The following CCDC40 variants were observed in gnomAD, a reference collection of about 807,000 sequenced individuals.
CCDC40 encodes the protein coiled-coil domain 40 molecular ruler complex subunit, also known as coiled-coil domain-containing protein 40.
In CCDC40, 104 loss-of-function variants were observed where a neutral mutation model predicts 124.5. The observed-to-expected ratio is 0.84, with a 90% confidence interval of 0.71 to 0.98. The LOEUF (loss-of-function observed/expected upper bound fraction) is 0.98. Among genes scored for constraint, CCDC40 ranks in the 50% least tolerant of loss-of-function variants. The probability of loss-of-function intolerance (pLI) is 0.00; values close to 1 mark genes in which losing one functional copy is unlikely to be tolerated. For missense variants in CCDC40, 1,463 were observed against 1,503.9 expected (o/e 0.97, Z 0.45); for synonymous variants, 580 against 602.9 (o/e 0.96, Z 0.56).
chr17:80,087,864 A>G lies in CCDC40; in HGVS notation c.2619+88A>G, dbSNP rs2038621102. The G allele has an allele frequency of 7.4e-7, 1 of 1,359,668 alleles. No individual in the cohort carries two copies. Among genetic ancestry groups the G allele is most frequent in the Admixed American group, 1.7e-5 (1 of 59,672 alleles). The allele number at this position is 1,359,668 out of a possible 1,614,324, so 84.2% of individuals were successfully genotyped here. On this transcript the variant is annotated intron_variant, in intron 15 of 19. Coordinates refer to ENST00000397545, the MANE Select transcript of CCDC40 (RefSeq NM_017950.4). The surrounding 1 kb of genome is among the most constrained non-coding windows in gnomAD (Gnocchi z 4.5). ...CGGTGGGCGTTCTGCACCAGGATGT[A>G]ATTTCCACACCCGTTCAAGATGCTT...
At chr17:80,078,374 G>A (rs1598528517) in intron 10 of CCDC40, among the ~76,000 whole-genome samples, 3 of 151,898 alleles carry the variant, frequency 2.0e-5, no homozygotes, top group African/African-American at 7.2e-5. Context: ...ATGTCTAAGG[G>A]TCACGAAGAT....
At chr17:80,052,379 T>A (rs1181692548) in intron 7 of CCDC40, among the ~76,000 whole-genome samples, 1 of 152,102 alleles carries the variant, frequency 6.6e-6, no homozygotes, top group African/African-American at 2.4e-5. Context: ...AGTCTCTCTT[T>A]TCACATTTTT....
At chr17:80,039,124 T>A (rs2037205577) in intron 2 of CCDC40, among the ~76,000 whole-genome samples, 1 of 152,096 alleles carries the variant, frequency 6.6e-6, no homozygotes. Context: ...CCCGGCACTT[T>A]GGGAGGCTGA....
chr17:80,089,182 T>C (rs1282211390), intron 16 of CCDC40, among the ~76,000 whole-genome samples: 1 of 152,220 alleles, frequency 6.6e-6, no homozygotes, highest in Non-Finnish European at 1.5e-5. Context: ...TGAAGCACTT[T>C]AGTATTTTCA....
At chr17:80,049,782 A>T in intron 5 of CCDC40, 124 bp from the exon 6 acceptor site, 1 of 766,594 alleles carries the variant, frequency 1.3e-6, no homozygotes, top group Non-Finnish European at 2.3e-6. Context: ...AGAAGCAGGG[A>T]GCACTCCACA....
chr17:80,046,233 C>A (rs551440867), intron 3 of CCDC40, among the ~76,000 whole-genome samples: 2 of 152,122 alleles, frequency 1.3e-5, no homozygotes, highest in African/African-American at 4.8e-5. Context: ...AACTCTCCCC[C>A]GCCCAGGGAA....
At chr17:80,075,636 G>A (rs1366802045) in intron 10 of CCDC40, among the ~76,000 whole-genome samples, 5 of 151,790 alleles carry the variant, frequency 3.3e-5, no homozygotes, top group Admixed American at 6.6e-5. Flanking sequence ...GAAGCCAGAC[G>A]TCCAGCTAAT....
At chr17:80,089,909 A>G in intron 17 of CCDC40, 25 bp downstream of exon 17, 3 of 1,613,166 alleles carry the variant, frequency 1.9e-6, no homozygotes, top group Non-Finnish European at 2.5e-6. Flanking sequence ...GCGGCGTGGC[A>G]GGGCCTGCTG....
At chr17:80,090,125 C>T in intron 17 of CCDC40, 3 of 1,536,224 alleles carry the variant, frequency 2.0e-6, no homozygotes, top group Non-Finnish European at 1.7e-6. Context: ...CACACGCTTG[C>T]TTTTAATGTG....
At position 80,049,951 on chromosome 17, in the gene CCDC40, C is replaced by T. The variant is rs201223986; in HGVS notation, c.901C>T (p.Arg301Ter). The change falls in exon 6 of 20, where the codon CGA becomes TGA. Residue 301 changes from arginine (R) to a stop codon, truncating the protein, a stop_gained. Coordinates refer to ENST00000397545, the MANE Select transcript of CCDC40 (RefSeq NM_017950.4). LOFTEE classifies it high-confidence loss of function. ...FQAALKNYLN[R>*]QIEKLKLDLQ... ...GGCTGCCCTGAAGAACTACCTGAACCGACAGATCGAAAAGTTGAAGCTGGA... is the reference window on the plus strand; with the variant it reads ...GGCTGCCCTGAAGAACTACCTGAACTGACAGATCGAAAAGTTGAAGCTGGA... The T allele has an allele frequency of 8.1e-6, 13 of 1,613,992 alleles. No homozygotes were observed. Among genetic ancestry groups the T allele is most frequent in the Middle Eastern group, 1.6e-4 (1 of 6,084 alleles).
intron 17 of CCDC40, among the ~76,000 whole-genome samples, chr17:80,094,745 C>A (rs2038777496): frequency 6.6e-6 from 1 of 152,132 alleles, no homozygotes; most frequent in Admixed American, 6.5e-5. Flanking sequence ...GCGCACACAT[C>A]TACGTAGCCA....
chr17:80,056,016 A>ATATATATTTTTTTTTTTTTT (rs71163913), intron 7 of CCDC40, among the ~76,000 whole-genome samples: 8 of 10,248 alleles, frequency 7.8e-4, no homozygotes, highest in Non-Finnish European at 1.1e-3. Flanking sequence ...ATATATATAT[A>ATATATATTTTTTTTTTTTTT]TTTTTTTTTT....
intron 3 of CCDC40, among the ~76,000 whole-genome samples, chr17:80,041,750 C>G (rs914170443): frequency 6.6e-6 from 1 of 152,080 alleles, no homozygotes; most frequent in Non-Finnish European, 1.5e-5. Flanking sequence ...GGATTTGCCC[C>G]GTGTTTCCTC....
chr17:80,099,608 C>A lies in CCDC40; in HGVS notation c.3262C>A (p.Arg1088Ser), dbSNP rs766993149. Reference sequence around the variant, plus strand: ...GGAGGGGCGCTACGTGTTCCTGTTCCGCTCCAAGCAGTCCCTAGTGCTGGA... The same window carrying A: ...GGAGGGGCGCTACGTGTTCCTGTTCAGCTCCAAGCAGTCCCTAGTGCTGGA... ...VKEGRYVFLF[R>S]SKQSLVLERQ... The change falls in exon 20 of 20, where the codon CGC becomes AGC. Residue 1088 changes from arginine to serine, a missense_variant. Coordinates refer to ENST00000397545, the MANE Select transcript of CCDC40 (RefSeq NM_017950.4). The A allele has an allele frequency of 6.2e-7, 1 of 1,613,732 alleles. No homozygotes were observed. The highest frequency in any genetic ancestry group is 1.3e-5 in the African/African-American group (1 of 75,050).
chr17:80,047,090 C>T (rs1022897092), intron 3 of CCDC40, among the ~76,000 whole-genome samples, 189 bp from the exon 4 acceptor site: 69 of 152,358 alleles, frequency 4.5e-4, no homozygotes, highest in Middle Eastern at 3.4e-3. Context: ...AAGCGATCCA[C>T]CCGCCTTGGC....
At chr17:80,039,329 C>T (rs746515111) in intron 2 of CCDC40, among the ~76,000 whole-genome samples, 47 of 151,764 alleles carry the variant, frequency 3.1e-4, no homozygotes, top group African/African-American at 8.2e-4. Flanking sequence ...ATCACGCCAC[C>T]GCACTCCAGC....
chr17:80,055,981 C>CATATATATGTATAT (rs2037724888), intron 7 of CCDC40, among the ~76,000 whole-genome samples: 1 of 26,094 alleles, frequency 3.8e-5, no homozygotes, highest in South Asian at 2.5e-3. Context: ...GGCTAATTTT[C>CATATATATGTATAT]ATATATATAT....
intron 7 of CCDC40, among the ~76,000 whole-genome samples, chr17:80,057,725 A>C (rs1359486605): frequency 6.6e-6 from 1 of 151,624 alleles, no homozygotes; most frequent in Non-Finnish European, 1.5e-5. Flanking sequence ...AAATACAAAA[A>C]ATTAGCCGGG....
rs1363811483 is a variant in CCDC40, at chr17:80,081,591, C to A, written c.1608C>A (p.Ala536=). 6.2e-7 allele frequency: 1 copy of A among 1,613,854 alleles called. No individual in the cohort carries two copies. Among genetic ancestry groups the A allele is most frequent in the Non-Finnish European group, 8.5e-7 (1 of 1,180,028 alleles). ...QAKSTDGEIE[A]YKKSIMKEEE... is the part of the protein sequence containing the mutation. ...AATCCACCGACGGCGAGATTGAGGC[C>A]TATAAGAAATCCATCATGAAGGAGG... Residue 536 remains alanine (A), a synonymous_variant, in exon 11 of 20, where the codon GCC becomes GCA. Coordinates refer to ENST00000397545, the MANE Select transcript of CCDC40 (RefSeq NM_017950.4).
Sources: gnomAD v4.1 joint callset for allele counts (sites outside exome capture counted in the v4.1 genomes callset) on GRCh38, gnomAD v4.1.1 for gene constraint, Gnocchi (gnomAD v3.1) non-coding constraint, MANE v1.5 for transcripts, NCBI Gene and HGNC (gene_info 2026-07-23, HGNC 2026-07-21) for gene names.